ZNF544: variants seen among roughly 807,000 people sequenced by gnomAD.
ZNF544 encodes the protein zinc finger protein 544.
A neutral mutation model predicts 13.5 loss-of-function variants in ZNF544; 10 were observed. That is an observed-to-expected ratio of 0.74 (90% CI 0.46 to 1.25). The LOEUF is 1.25. ZNF544 is among the 50% of genes most tolerant of loss of function. The pLI, the probability that ZNF544 is intolerant of heterozygous loss-of-function variation, is 0.00. For synonymous variants in ZNF544, 323 were observed against 300.5 expected (o/e 1.07, Z -0.77); for missense variants, 896 against 845.6 (o/e 1.06, Z -0.74).
Position 58,236,765 on chromosome 19 carries a change from A to G in ZNF544, c.-60+6303A>G, listed in dbSNP as rs375496303. On this transcript the variant is annotated intron_variant, in intron 3 of 6. Transcript: ENST00000687789. The stretch of plus-strand genomic sequence containing the variant: ...GAAACTTTTTTTTTTTTTTTAAGAC[A>G]GAGTCTCTCTCCATTGCCCAGGCTG... Among the ~76,000 whole-genome samples, 407 of 149,946 alleles carry G rather than the reference A, an allele frequency of 2.7e-3. 4 individuals are homozygous for G. Among genetic ancestry groups the G allele is most frequent in the African/African-American group, 9.6e-3 (390 of 40,746 alleles).
rs1262919263 is a variant in ZNF544 at position 58,262,608 on chromosome 19, G to A, written c.2002G>A (p.Ala668Thr). The A allele has an allele frequency of 6.2e-7, 1 of 1,614,146 alleles. No homozygotes were observed. The highest frequency in any genetic ancestry group is 2.2e-5 in the East Asian group (1 of 44,874). The change falls in exon 7 of 7, where the codon GCC becomes ACC. Residue 668 changes from alanine to threonine, a missense_variant. By Grantham distance (58) the Ala-to-Thr change is moderately conservative (BLOSUM62 0). Coordinates refer to ENST00000687789, the MANE Select transcript of ZNF544 (RefSeq NM_014480.4). ...TTTTGAGTGTAGTCAGTGTGGGAAA[G>A]CCTTTTCAGGGAGCTCTAACCTTCT... is the stretch of plus-strand genomic sequence containing the variant. Reference protein sequence around the residue: ...KPFECSQCGKAFSGSSNLLSH... With the variant: ...KPFECSQCGKTFSGSSNLLSH...
intron 5 of ZNF544, 113 bp from the exon 6 acceptor site, chr19:58,246,598 G>T: frequency 6.8e-7 from 1 of 1,465,720 alleles, no homozygotes; most frequent in Admixed American, 2.0e-5. Flanking sequence ...GTGACTTGTA[G>T]TCCTAACAGT....
At chr19:58,237,159 G>A (rs891155499) in intron 3 of ZNF544, among the ~76,000 whole-genome samples, 2 of 150,286 alleles carry the variant, frequency 1.3e-5, no homozygotes, top group African/African-American at 4.9e-5. Flanking sequence ...CTGTTCCCAG[G>A]CTCCAGCAAT....
At chr19:58,238,025 T>C (rs542450151) in intron 3 of ZNF544, among the ~76,000 whole-genome samples, 2 of 152,196 alleles carry the variant, frequency 1.3e-5, no homozygotes, top group Non-Finnish European at 2.9e-5. Context: ...CTCTGCCTCC[T>C]GGGTTCAAGT....
In ZNF544 at chr19:58,262,296, G is replaced by T; in HGVS notation, c.1690G>T (p.Val564Phe). The part of the protein sequence containing the change: ...GKSFRWNSNL[V>F]IHQRIHTGEK... ...ATCCTTCAGATGGAACTCTAACCTC[G>T]TCATACATCAGAGAATTCATACTGG... The change falls in exon 7 of 7, where the codon GTC (valine) becomes TTC (phenylalanine). Residue 564 changes from valine (V) to phenylalanine (F), a missense_variant. Physicochemically the swap from Val to Phe is conservative, Grantham distance 50. Transcript: ENST00000687789. The T allele has an allele frequency of 6.2e-7, 1 of 1,610,230 alleles. No individual in the cohort carries two copies. Among genetic ancestry groups the T allele is most frequent in the Non-Finnish European group, 8.5e-7 (1 of 1,179,036 alleles).
intron 5 of ZNF544, among the ~76,000 whole-genome samples, chr19:58,272,620 G>A (rs1276602913): frequency 1.3e-5 from 2 of 151,948 alleles, no homozygotes; most frequent in Non-Finnish European, 2.9e-5. Flanking sequence ...TTGAAGATTT[G>A]ATTTTCCAGA....
At chr19:58,234,779 T>G (rs2042049115) in intron 3 of ZNF544, among the ~76,000 whole-genome samples, 1 of 152,236 alleles carries the variant, frequency 6.6e-6, no homozygotes, top group African/African-American at 2.4e-5. Flanking sequence ...ATTAAACTCT[T>G]TAAAGCTGGG....
intron 3 of ZNF544, among the ~76,000 whole-genome samples, chr19:58,241,142 A>AAAAAATATATATATATTT (rs1568460515): frequency 1.0e-4 from 5 of 50,060 alleles, no homozygotes; most frequent in Admixed American, 2.5e-4. Flanking sequence ...CAGCCAATTT[A>AAAAAATATATATATATTT]AAATATATAT....
At position 58,260,915 on chromosome 19, in the gene ZNF544, A is replaced by T; in HGVS notation, c.309A>T (p.Leu103=). 1 of 1,613,970 alleles carries T rather than the reference A, an allele frequency of 6.2e-7. No homozygotes were observed. Among genetic ancestry groups the T allele is most frequent in the Non-Finnish European group, 8.5e-7 (1 of 1,179,994 alleles). ...NSEKDRAREE[L]SHHVEVYRSG... is the part of the protein sequence containing the mutation. ...AAAAAGATCGAGCTAGGGAAGAACT[A>T]TCCCACCACGTGGAAGTGTACAGGA... The change falls in exon 7 of 7, where the codon CTA becomes CTT. Residue 103 remains leucine, a synonymous_variant. Coordinates refer to ENST00000687789, the MANE Select transcript of ZNF544 (RefSeq NM_014480.4).
chr19:58,244,687 C>G (rs1006122314), intron 4 of ZNF544, among the ~76,000 whole-genome samples: 2 of 150,596 alleles, frequency 1.3e-5, no homozygotes, highest in Middle Eastern at 3.5e-3. Context: ...GCGATCCTCC[C>G]ACCTCAGCCT....
rs1294109313 is a variant in ZNF544 at position 58,228,946 on chromosome 19, G to A, written c.-232G>A. ...GCACCGCCATTGGCCGGTGCGTGCAGGTGAGTCTGGCGGCCTCAAGGTTGG... is the reference window on the plus strand; with the variant it reads ...GCACCGCCATTGGCCGGTGCGTGCAAGTGAGTCTGGCGGCCTCAAGGTTGG... On this transcript the variant is annotated splice_region_variant and 5_prime_UTR_variant, in exon 1 of 7. Transcript: ENST00000687789. 1 of 152,372 alleles carries A rather than the reference G, an allele frequency of 6.6e-6. No individual in the cohort carries two copies. The highest frequency in any genetic ancestry group is 2.4e-5 in the African/African-American group (1 of 41,472). The allele number at this position is 152,372 out of a possible 1,614,324, so 9.4% of individuals were successfully genotyped here.
downstream of ZNF544, chr19:58,266,743 G>GA (rs2147806875): frequency 9.7e-6 from 1 of 103,174 alleles, no homozygotes; most frequent in South Asian, 3.2e-4. Flanking sequence ...ATCTGGCTGT[G>GA]GGTAGCAAAA....
chr19:58,260,646 TTA>T, intron 6 of ZNF544: 4 of 526,592 alleles, frequency 7.6e-6, no homozygotes. Flanking sequence ...CACTTCTTTA[TTA>T]TGTTTGCTTG....
At position 58,262,230 on chromosome 19, in the gene ZNF544, C is replaced by T. The variant is rs372259530; in HGVS notation, c.1624C>T (p.His542Tyr). Reference sequence around the variant, plus strand: ...CAAACTTATTACGCATCAGCGAATTCACACTGGAGAAAAACCGTATCAGTG... The same window carrying T: ...CAAACTTATTACGCATCAGCGAATTTACACTGGAGAAAAACCGTATCAGTG... Reference protein sequence around the residue: ...SSKLITHQRIHTGEKPYQCIE... With the variant: ...SSKLITHQRIYTGEKPYQCIE... The change falls in exon 7 of 7, where the codon CAC becomes TAC. Residue 542 changes from histidine to tyrosine, a missense_variant. Physicochemically the swap from His to Tyr is moderately conservative, Grantham distance 83 (BLOSUM62 2). Coordinates refer to ENST00000687789, the MANE Select transcript of ZNF544 (RefSeq NM_014480.4). The T allele has an allele frequency of 4.3e-6, 7 of 1,613,972 alleles. No homozygotes were observed. In the African/African-American group the frequency reaches 9.3e-5, roughly 22 times the overall value.
Position 58,261,864 on chromosome 19 carries a change from A to G in ZNF544, c.1258A>G (p.Arg420Gly), listed in dbSNP as rs779715266. ...CDLCGKSFTQ[R>G]SKLITHQRIH... ...CCTGTGTGGGAAATCCTTCACCCAGAGATCCAAACTTATTACACATCAGCG... is the reference window on the plus strand; with the variant it reads ...CCTGTGTGGGAAATCCTTCACCCAGGGATCCAAACTTATTACACATCAGCG... The change falls in exon 7 of 7, where the codon AGA becomes GGA. Residue 420 changes from arginine to glycine, a missense_variant. By Grantham distance (125) the Arg-to-Gly change is moderately radical. Coordinates refer to ENST00000687789, the MANE Select transcript of ZNF544 (RefSeq NM_014480.4). The G allele has an allele frequency of 2.5e-5, 41 of 1,613,510 alleles. No individual in the cohort carries two copies. The highest frequency in any genetic ancestry group is 3.2e-5 in the Non-Finnish European group (38 of 1,179,904).
rs2048887954 is a variant in ZNF544 at position 58,261,314 on chromosome 19, A to G, written c.708A>G (p.Thr236=). The change falls in exon 7 of 7, where the codon ACA becomes ACG. Residue 236 remains threonine (T), a synonymous_variant. Coordinates refer to ENST00000687789, the MANE Select transcript of ZNF544 (RefSeq NM_014480.4). ...TGAGTAAACTTGGAAACGTTGAAAC[A>G]GGAAAGAAAAACCCTTATGAATATA... ...IYLSKLGNVE[T]GKKNPYEYIV... is the part of the protein sequence containing the mutation. 6.2e-7 allele frequency: 1 copy of G among 1,614,216 alleles called. No individual in the cohort carries two copies. Among genetic ancestry groups the G allele is most frequent in the African/African-American group, 1.3e-5 (1 of 75,058 alleles).
At chr19:58,230,676 G>A (rs1320786149) in intron 3 of ZNF544, among the ~76,000 whole-genome samples, 9 of 152,194 alleles carry the variant, frequency 5.9e-5, no homozygotes, top group African/African-American at 2.2e-4. Flanking sequence ...TTGTGTTTGT[G>A]TGTGTGTTTG....
At position 58,263,517 on chromosome 19, in the gene ZNF544, T is replaced by C; in HGVS notation, c.*763T>C. ...CAGACCTTGTTTACTAGAAATCAGG[T>C]GGCCAAAACATGACTCTCAGAGTGG... On this transcript the variant is annotated 3_prime_UTR_variant, in exon 7 of 7. Coordinates refer to ENST00000687789, the MANE Select transcript of ZNF544 (RefSeq NM_014480.4). 1 of 985,428 alleles carries C rather than the reference T, an allele frequency of 1.0e-6. No individual in the cohort carries two copies. Among genetic ancestry groups the C allele is most frequent in the Non-Finnish European group, 1.2e-6 (1 of 829,940 alleles). 61.0% of individuals were successfully genotyped at this position (985,428 alleles called of 1,614,324 possible). A position where few individuals can be genotyped will look rare whatever the true frequency, so the allele number is the denominator to read the frequency against.
chr19:58,241,177 A>T (rs1406622235), intron 3 of ZNF544, among the ~76,000 whole-genome samples: 5 of 87,088 alleles, frequency 5.7e-5, no homozygotes, highest in South Asian at 6.5e-4. Flanking sequence ...ATATATATAT[A>T]TATTTTTTTT....
Sources: gnomAD v4.1 joint callset for allele counts (sites outside exome capture counted in the v4.1 genomes callset) on GRCh38, gnomAD v4.1.1 for gene constraint, MANE v1.5 for transcripts, NCBI Gene and HGNC (gene_info 2026-07-23, HGNC 2026-07-21) for gene names.